GSPT1: variants seen among roughly 807,000 people sequenced by gnomAD.
GSPT1 encodes G1 to S phase transition 1.
In GSPT1, 20 loss-of-function variants were observed where a neutral mutation model predicts 72.5. The observed-to-expected ratio is 0.28, with a 90% CI of 0.19 to 0.40. The LOEUF (loss-of-function observed/expected upper bound fraction) is 0.40. Among genes scored for constraint, GSPT1 ranks in the 10% least tolerant of loss-of-function variants. The pLI is 1.00. For missense variants in GSPT1, 580 were observed against 811.9 expected (o/e 0.71, Z 3.47); for synonymous variants, 334 against 293.5 (o/e 1.14, Z -1.41).
Position 11,870,624 on chromosome 16 carries a change from A to G in GSPT1, c.*2495T>C, listed in dbSNP as rs919644652. The stretch of plus-strand genomic sequence containing the variant: ...ACATAATGCCAAGTTCACCTTAGAC[A>G]TTTTATTTACTTATCCAAATGAACA... On this transcript the variant is annotated 3_prime_UTR_variant, in exon 15 of 15. Coordinates refer to ENST00000434724, the MANE Select transcript of GSPT1 (RefSeq NM_002094.4). 6.6e-6 allele frequency: 1 copy of G among 152,218 alleles called. No homozygotes were observed. The highest frequency in any genetic ancestry group is 6.5e-5 in the Admixed American group (1 of 15,274). The allele number at this position is 152,218 out of a possible 1,614,324, so 9.4% of individuals were successfully genotyped here.
At chr16:11,896,488 C>T in intron 4 of GSPT1, 70 bp downstream of exon 4, 1 of 840,400 alleles carries the variant, frequency 1.2e-6, no homozygotes, top group Non-Finnish European at 1.9e-6. Flanking sequence ...CTAAACATCT[C>T]CAGGTAGCTA....
At chr16:11,914,177 C>T (rs991733995) in intron 1 of GSPT1, among the ~76,000 whole-genome samples, 1 of 152,178 alleles carries the variant, frequency 6.6e-6, no homozygotes. Flanking sequence ...CCTTTTCCTT[C>T]CTTTTTCATT....
At chr16:11,896,397 A>G (rs944409992) in intron 4 of GSPT1, among the ~76,000 whole-genome samples, 161 bp downstream of exon 4, 1 of 152,258 alleles carries the variant, frequency 6.6e-6, no homozygotes, top group Non-Finnish European at 1.5e-5. Flanking sequence ...TCAGGAAAAA[A>G]GTACTTGCAA....
At chr16:11,901,310 G>A (rs992314390) in intron 1 of GSPT1, among the ~76,000 whole-genome samples, 2 of 152,098 alleles carry the variant, frequency 1.3e-5, no homozygotes, top group African/African-American at 4.8e-5. Context: ...ATTTTCCGAG[G>A]TTGAACTGTT....
intron 10 of GSPT1, 30 bp downstream of exon 10, chr16:11,885,151 G>A: frequency 9.6e-7 from 1 of 1,038,504 alleles, no homozygotes; most frequent in Middle Eastern, 2.1e-4. Flanking sequence ...CCCCTCCCAG[G>A]AAACCCAATT....
At chr16:11,883,615 G>A (rs1336598964) in intron 10 of GSPT1, among the ~76,000 whole-genome samples, 4 of 122,592 alleles carry the variant, frequency 3.3e-5, no homozygotes, top group Non-Finnish European at 6.5e-5. Flanking sequence ...GCAAGACTCT[G>A]TCTCAAAAAA....
At chr16:11,895,496 C>G (rs540672006) in intron 4 of GSPT1, 1 of 152,048 alleles carries the variant, frequency 6.6e-6, no homozygotes, top group Non-Finnish European at 1.5e-5. Flanking sequence ...CAGATTACTC[C>G]GAAAGCACAG....
chr16:11,892,455 G>A (rs150384634), intron 5 of GSPT1, among the ~76,000 whole-genome samples: 1 of 140,544 alleles, frequency 7.1e-6, no homozygotes, highest in Non-Finnish European at 1.5e-5. Context: ...GCTGCAGTGA[G>A]CCATGATTAC....
chr16:11,902,657 G>C (rs1036250434), intron 1 of GSPT1, among the ~76,000 whole-genome samples: 1 of 151,020 alleles, frequency 6.6e-6, no homozygotes, highest in Non-Finnish European at 1.5e-5. Context: ...TCGCAGTCTC[G>C]GCTCACTGCA....
At chr16:11,876,697 C>T (rs1173013574) in intron 12 of GSPT1, among the ~76,000 whole-genome samples, 60 of 152,064 alleles carry the variant, frequency 3.9e-4, no homozygotes, top group Non-Finnish European at 5.9e-5. Flanking sequence ...GAGCCAAGAT[C>T]GCGCCACTGC....
At chr16:11,888,465 A>C (rs952569994) in intron 6 of GSPT1, among the ~76,000 whole-genome samples, 4 of 146,966 alleles carry the variant, frequency 2.7e-5, no homozygotes, top group African/African-American at 9.9e-5. Flanking sequence ...CTGTCTCTCA[A>C]AAAAAAAAAA....
intron 6 of GSPT1, among the ~76,000 whole-genome samples, chr16:11,889,625 AG>A (rs1205604534): frequency 6.6e-6 from 1 of 150,984 alleles, no homozygotes; most frequent in Non-Finnish European, 1.5e-5. Flanking sequence ...CTCCTGCCTC[AG>A]CCCCCCGAGT....
rs1204164782 is a variant in GSPT1 at position 11,915,461 on chromosome 16, G to C, written c.260C>G (p.Pro87Arg). 1 of 1,547,442 alleles carries C rather than the reference G, an allele frequency of 6.5e-7. No individual in the cohort carries two copies. The highest frequency in any genetic ancestry group is 1.9e-5 in the Admixed American group (1 of 52,232). ...VPNVHAAEFVPSFLRGPAAPP... is the reference protein window; with the variant it reads ...VPNVHAAEFVRSFLRGPAAPP... The stretch of plus-strand genomic sequence containing the variant: ...CGCTGCCGGGCCCCGCAGGAAGGAC[G>C]GCACGAACTCGGCGGCGTGGACGTT... The change falls in exon 1 of 15, where the codon CCG becomes CGG. Residue 87 changes from proline (P) to arginine (R), a missense_variant. By Grantham distance (103) the Pro-to-Arg change is moderately radical. This residue lies in a region of GSPT1 where 327 missense variants were observed against 298.8 expected (regional missense o/e 1.09). Coordinates refer to ENST00000434724, the MANE Select transcript of GSPT1 (RefSeq NM_002094.4).
intron 1 of GSPT1, among the ~76,000 whole-genome samples, chr16:11,900,105 G>T (rs141383013): frequency 2.0e-5 from 3 of 151,926 alleles, no homozygotes; most frequent in African/African-American, 4.8e-5. Flanking sequence ...AGGCGGAAGC[G>T]GGGGGATCAT....
Position 11,911,430 on chromosome 16 carries a change from A to G in GSPT1, c.352+3939T>C, listed in dbSNP as rs73511694. Among the ~76,000 whole-genome samples, 444 of 152,302 alleles carry G rather than the reference A, an allele frequency of 2.9e-3. 5 individuals carry two copies. The highest frequency in any genetic ancestry group is 0.01 in the African/African-American group (424 of 41,560). ...TGGACAGTGTCTCATTTGGTCACCC[A>G]GGCTGAGTGCAATGGTGCCATCATA... On this transcript the variant is annotated intron_variant, in intron 1 of 14. Transcript: ENST00000434724.
intron 1 of GSPT1, among the ~76,000 whole-genome samples, chr16:11,901,670 T>TAA (rs1289410403): frequency 6.6e-6 from 1 of 151,632 alleles, no homozygotes; most frequent in East Asian, 1.9e-4. Context: ...CTCATGCTTG[T>TAA]AGTCCCAGCT....
intron 11 of GSPT1, chr16:11,881,773 T>G (rs1294617160): frequency 1.3e-5 from 2 of 149,774 alleles, no homozygotes; most frequent in African/African-American, 2.4e-5. Context: ...GCAATCCTCC[T>G]GCCTCAACCT....
intron 14 of GSPT1, among the ~76,000 whole-genome samples, chr16:11,874,484 T>TTTTTA (rs2054015838): frequency 7.0e-6 from 1 of 141,964 alleles, no homozygotes; most frequent in African/African-American, 2.8e-5. Context: ...TTTTTTTTTT[T>TTTTTA]AAAGCCAAGT....
At chr16:11,907,248 T>G (rs988550185) in intron 1 of GSPT1, among the ~76,000 whole-genome samples, 3 of 152,214 alleles carry the variant, frequency 2.0e-5, no homozygotes, top group Admixed American at 2.0e-4. Flanking sequence ...AGTCTCAGTC[T>G]ACTTTAATAC....
Sources: allele counts gnomAD v4.1 joint callset (sites outside exome capture counted in the v4.1 genomes callset), GRCh38; gene constraint gnomAD v4.1.1; regional missense constraint gnomAD v4.1.1; transcripts MANE v1.5; gene names NCBI Gene and HGNC (gene_info 2026-07-23, HGNC 2026-07-21).